Variants in CCT4 observed in about 807,000 individuals in gnomAD.
The protein encoded by CCT4 is chaperonin containing TCP1 subunit 4, also known as T-complex protein 1 subunit delta.
A neutral mutation model predicts 62.5 loss-of-function variants in CCT4; 17 were observed. The ratio of observed to expected loss-of-function variants is 0.27; its 90% CI spans 0.19 to 0.41. The LOEUF is 0.41. Ranked by LOEUF, CCT4 falls within the 10% of genes least tolerant of loss-of-function variation. CCT4 has a pLI of 1.00. For synonymous variants in CCT4, 250 were observed against 229.9 expected (o/e 1.09, Z -0.79); for missense variants, 592 against 659.2 (o/e 0.90, Z 1.12).
Position 61,877,063 on chromosome 2 carries a change from A to C in CCT4, c.645-11T>G. 1 of 1,610,634 alleles carries C rather than the reference A, an allele frequency of 6.2e-7. No individual in the cohort carries two copies. The highest frequency in any genetic ancestry group is 8.5e-7 in the Non-Finnish European group (1 of 1,178,266). ...TCATCAATTGTCCCACTAAGGATAA[A>C]AGAAAACAAAGAGGGGTAGTTAAGA... On this transcript the variant is annotated splice_polypyrimidine_tract_variant and intron_variant, in intron 6 of 13. Transcript: ENST00000394440.
intron 5 of CCT4, 95 bp downstream of exon 5, chr2:61,878,774 T>C (rs1669051336): frequency 1.2e-6 from 1 of 801,844 alleles, no homozygotes; most frequent in South Asian, 2.1e-5. Context: ...CTAGCCACTC[T>C]TGAGATTTAG....
At chr2:61,879,048 A>G in intron 4 of CCT4, 37 bp from the exon 5 acceptor site, 1 of 1,505,504 alleles carries the variant, frequency 6.6e-7, no homozygotes, top group Non-Finnish European at 9.0e-7. Flanking sequence ...TAATTGTAAC[A>G]GGTAAACTAC....
At position 61,888,584 on chromosome 2, in the gene CCT4, G is replaced by A. The variant is rs1669319902; in HGVS notation, c.-77C>T. ...TTCTGGCCGGCCGCAGTGTAATAAC[G>A]GTAAGCCCTCACTGCCTTCACGAAC... On this transcript the variant is annotated 5_prime_UTR_variant, in exon 1 of 14. Coordinates refer to ENST00000394440, the MANE Select transcript of CCT4 (RefSeq NM_006430.4). 10 of 1,525,112 alleles carry A rather than the reference G, an allele frequency of 6.6e-6. No homozygotes were observed. The highest frequency in any genetic ancestry group is 1.2e-5 in the South Asian group (1 of 83,526). The allele number at this position is 1,525,112 out of a possible 1,614,324, so 94.5% of individuals were successfully genotyped here. A position where few individuals can be genotyped will look rare whatever the true frequency, so the allele number is the denominator to read the frequency against.
intron 4 of CCT4, among the ~76,000 whole-genome samples, chr2:61,879,468 G>C (rs1669067708): frequency 7.0e-6 from 1 of 142,606 alleles, no homozygotes; most frequent in Admixed American, 7.1e-5. Context: ...GGTGGAGACA[G>C]GGTTTTGCCA....
chr2:61,885,095 A>AG, intron 1 of CCT4, 23 bp from the exon 2 acceptor site: 1 of 1,522,154 alleles, frequency 6.6e-7, no homozygotes, highest in Non-Finnish European at 8.7e-7. Flanking sequence ...GGGAAAAAAA[A>AG]GAAAACAAAT....
rs1045885075 is a variant in CCT4 at position 61,888,601 on chromosome 2, T to G, written c.-94A>C. 2.2e-6 allele frequency: 3 copies of G among 1,395,124 alleles called. No homozygotes were observed. Among genetic ancestry groups the G allele is most frequent in the Non-Finnish European group, 1.9e-6 (2 of 1,047,486 alleles). The allele number at this position is 1,395,124 out of a possible 1,614,324, so 86.4% of individuals were successfully genotyped here. A position where few individuals can be genotyped will look rare whatever the true frequency, so the allele number is the denominator to read the frequency against. ...GTAATAACGGTAAGCCCTCACTGCC[T>G]TCACGAACCTTCCAGAAAGCGGCGC... On this transcript the variant is annotated 5_prime_UTR_variant, in exon 1 of 14. Transcript: ENST00000394440.
At chr2:61,871,189 G>A (rs1041017555) in intron 12 of CCT4, among the ~76,000 whole-genome samples, 7 of 151,672 alleles carry the variant, frequency 4.6e-5, no homozygotes, top group East Asian at 1.9e-4. Context: ...CCGCCACTTC[G>A]CCTGGCTAAT....
intron 8 of CCT4, among the ~76,000 whole-genome samples, chr2:61,875,834 A>T (rs76952084): frequency 0.029 from 4,470 of 152,210 alleles, 97 homozygotes; most frequent in Non-Finnish European, 0.045. Context: ...ATTTGTTTAA[A>T]ATGCTTTTCC....
intron 1 of CCT4, chr2:61,888,175 G>T: frequency 1.7e-6 from 1 of 575,808 alleles, no homozygotes; most frequent in Non-Finnish European, 3.0e-6. Flanking sequence ...ATGCAAAATG[G>T]GGCAAGTCCA....
rs771250995 is a variant in CCT4 at position 61,872,251 on chromosome 2, C to T, written c.1322G>A (p.Arg441Gln). 8 of 1,613,176 alleles carry T rather than the reference C, an allele frequency of 5.0e-6. No individual in the cohort carries two copies. The Admixed American group carries it at 5.0e-5, about 10-fold the overall frequency. The change falls in exon 12 of 14, where the codon CGA (arginine) becomes CAA (glutamine). Residue 441 changes from arginine to glutamine, a missense_variant. Physicochemically the swap from Arg to Gln is conservative, Grantham distance 43. This residue lies in a region of CCT4 where 522 missense variants were observed against 571.2 expected (regional missense o/e 0.91). Transcript: ENST00000394440. ...GTAGGATTCCATACCACTCAGTGTT[C>T]GTGAATATTCAGTTAATCGTAGGGC... The part of the protein sequence containing the change: ...ELALRLTEYS[R>Q]TLSGMESYCV...
intron 1 of CCT4, among the ~76,000 whole-genome samples, chr2:61,886,715 G>A (rs1669259073): frequency 6.6e-6 from 1 of 150,894 alleles, no homozygotes; most frequent in Admixed American, 6.6e-5. Flanking sequence ...CACTTATTTT[G>A]TTTGTTGAAT....
rs746132800 is a variant in CCT4 at position 61,880,312 on chromosome 2, T to A, written c.353A>T (p.Asp118Val). 16 of 1,599,518 alleles carry A rather than the reference T, an allele frequency of 1.0e-5. No homozygotes were observed. The South Asian group carries it at 1.6e-4, about 16-fold the overall frequency. ...SVVIIAGSLL[D>V]SCTKLLQKGI... The stretch of plus-strand genomic sequence containing the variant: ...TTTCTGAAGAAGCTTGGTACAAGAA[T>A]CTAAGAGGGAGCCAGCAATGATGAC... Residue 118 changes from aspartate (D) to valine (V), a missense_variant, in exon 4 of 14, where the codon GAT becomes GTT. By Grantham distance (152) the Asp-to-Val change is radical (BLOSUM62 -3). Transcript: ENST00000394440.
chr2:61,872,335 T>G lies in CCT4; in HGVS notation c.1257-19A>C. 1 of 1,540,772 alleles carries G rather than the reference T, an allele frequency of 6.5e-7. No homozygotes were observed. Among genetic ancestry groups the G allele is most frequent in the Non-Finnish European group, 8.9e-7 (1 of 1,129,458 alleles). On this transcript the variant is annotated intron_variant, in intron 11 of 13. Transcript: ENST00000394440. ...AAGAGCCCTGAAATTCACAAATATA[T>G]TTTTAGCTTATTTTATCCAAAAGAA...
At chr2:61,888,327 G>A (rs913088571) in intron 1 of CCT4, 54 bp downstream of exon 1, 11 of 1,575,298 alleles carry the variant, frequency 7.0e-6, no homozygotes, top group South Asian at 1.1e-5. Flanking sequence ...AGCCCACGAT[G>A]AGAGCGCAGA....
chr2:61,872,280 C>G lies in CCT4; in HGVS notation c.1293G>C (p.Glu431Asp). 6.2e-7 allele frequency: 1 copy of G among 1,609,730 alleles called. No individual in the cohort carries two copies. The highest frequency in any genetic ancestry group is 8.5e-7 in the Non-Finnish European group (1 of 1,177,030). The change falls in exon 12 of 14, where the codon GAG becomes GAC. Residue 431 changes from glutamate (E) to aspartate (D), a missense_variant. This residue lies in a region of CCT4 where 522 missense variants were observed against 571.2 expected (regional missense o/e 0.91). Coordinates refer to ENST00000394440, the MANE Select transcript of CCT4 (RefSeq NM_006430.4). Reference protein sequence around the residue: ...LIAGGGAPEIELALRLTEYSR... With the variant: ...LIAGGGAPEIDLALRLTEYSR... ...AATATTCAGTTAATCGTAGGGCCAA[C>G]TCTATTTCTGGAGCACCACCTCCTG...
At chr2:61,883,644 C>G (rs890091777) in intron 2 of CCT4, 96 bp from the exon 3 acceptor site, 34 of 671,688 alleles carry the variant, frequency 5.1e-5, no homozygotes, top group Non-Finnish European at 7.6e-5. Flanking sequence ...TTTCTGTTTG[C>G]AAAGTACTTA....
chr2:61,872,038 T>G (rs1484651047), intron 12 of CCT4, 44 bp downstream of exon 12: 8 of 1,355,378 alleles, frequency 5.9e-6, no homozygotes, highest in Non-Finnish European at 8.3e-6. Flanking sequence ...CTTTTAATAT[T>G]TTAAATTAAT....
Position 61,868,670 on chromosome 2 carries a change from T to A in CCT4, c.*22A>T, listed in dbSNP as rs758195762. ...CCAGCCACAATACTGGTGATCATAATGGTGCTAGTCAGTTATCCAGATTAT... is the reference window on the plus strand; with the variant it reads ...CCAGCCACAATACTGGTGATCATAAAGGTGCTAGTCAGTTATCCAGATTAT... On this transcript the variant is annotated 3_prime_UTR_variant, in exon 14 of 14. Coordinates refer to ENST00000394440, the MANE Select transcript of CCT4 (RefSeq NM_006430.4). The A allele has an allele frequency of 1.9e-6, 3 of 1,570,038 alleles. No individual in the cohort carries two copies. The highest frequency in any genetic ancestry group is 1.8e-6 in the Non-Finnish European group (2 of 1,140,130).
At chr2:61,877,654 GAC>G in intron 5 of CCT4, 140 bp from the exon 6 acceptor site, 1 of 583,226 alleles carries the variant, frequency 1.7e-6, no homozygotes, top group Non-Finnish European at 2.9e-6. Flanking sequence ...CTCATGAGAA[GAC>G]AGTCCATAAA....
Sources: allele counts gnomAD v4.1 joint callset (sites outside exome capture counted in the v4.1 genomes callset), GRCh38; gene constraint gnomAD v4.1.1; regional missense constraint gnomAD v4.1.1; transcripts MANE v1.5; gene names NCBI Gene and HGNC (gene_info 2026-07-23, HGNC 2026-07-21).